Variants in GLCCI1 observed in about 807,000 individuals in gnomAD.
GLCCI1 encodes glucocorticoid-induced transcript 1 protein.
In GLCCI1, 24 loss-of-function variants were observed where a neutral mutation model predicts 52.2. That is an observed-to-expected ratio of 0.46 (90% CI 0.33 to 0.65). GLCCI1 has a LOEUF of 0.65. Ranked by LOEUF, GLCCI1 falls within the 30% of genes least tolerant of loss-of-function variation. The pLI is 0.02. For missense variants in GLCCI1, 704 were observed against 701.5 expected (o/e 1.00, Z -0.04); for synonymous variants, 310 against 276.5 (o/e 1.12, Z -1.20).
chr7:7,977,257 T>C (rs139897348), intron 1 of GLCCI1, among the ~76,000 whole-genome samples: 2,243 of 152,324 alleles, frequency 0.015, 49 homozygotes, highest in African/African-American at 0.051. Context: ...ATTGATAACA[T>C]ATACATAAAA....
intron 3 of GLCCI1, among the ~76,000 whole-genome samples, chr7:8,037,916 CAGAT>C (rs1476447616): frequency 6.6e-6 from 1 of 152,082 alleles, no homozygotes; most frequent in East Asian, 1.9e-4. Flanking sequence ...CTTAAGAAAA[CAGAT>C]AGTAATACAA....
chr7:8,043,492 G>A (rs1214916557), intron 3 of GLCCI1, among the ~76,000 whole-genome samples: 2 of 152,132 alleles, frequency 1.3e-5, no homozygotes, highest in Non-Finnish European at 2.9e-5. Context: ...CATGTTATAT[G>A]ATTATAGTTT....
intron 2 of GLCCI1, among the ~76,000 whole-genome samples, chr7:8,022,148 A>G (rs1781505955): frequency 6.6e-6 from 1 of 152,288 alleles, no homozygotes; most frequent in South Asian, 2.1e-4. Flanking sequence ...TGGAAATACC[A>G]TTTCATATTT....
At position 8,086,164 on chromosome 7, in the gene GLCCI1, A is replaced by G. The variant is rs1387994957; in HGVS notation, c.1299-29A>G. ...CTTAACTTTTTCTGTGTTCATGATT[A>G]TAAATCTAATTTTGTTTTATGGTTT... On this transcript the variant is annotated intron_variant, in intron 7 of 7. Transcript: ENST00000223145. This position sits in a 1 kb window ranked among gnomAD's most constrained non-coding sequence, Gnocchi z 4.4. 1 of 1,544,392 alleles carries G rather than the reference A, an allele frequency of 6.5e-7. No homozygotes were observed. The highest frequency in any genetic ancestry group is 8.8e-7 in the Non-Finnish European group (1 of 1,140,728).
chr7:8,068,227 A>G (rs1039334453), intron 5 of GLCCI1, among the ~76,000 whole-genome samples: 4 of 152,108 alleles, frequency 2.6e-5, no homozygotes, highest in Non-Finnish European at 4.4e-5. Context: ...GTGGGCACCT[A>G]TAATCCCAGC....
chr7:8,063,677 G>A (rs530455807), intron 5 of GLCCI1, among the ~76,000 whole-genome samples: 12 of 144,318 alleles, frequency 8.3e-5, no homozygotes, highest in African/African-American at 2.8e-4. Flanking sequence ...GGAGTATAGC[G>A]GCACAGTCAT....
intron 1 of GLCCI1, among the ~76,000 whole-genome samples, chr7:7,987,613 A>G (rs1389070891): frequency 6.6e-6 from 1 of 152,170 alleles, no homozygotes; most frequent in South Asian, 2.1e-4. Flanking sequence ...TGATTGACAG[A>G]GTCTCGCTCT....
At chr7:7,986,337 C>G (rs1244196343) in intron 1 of GLCCI1, among the ~76,000 whole-genome samples, 1 of 150,274 alleles carries the variant, frequency 6.7e-6, no homozygotes. Flanking sequence ...ACGGTGAAAC[C>G]CTGTCTCTAC....
intron 1 of GLCCI1, among the ~76,000 whole-genome samples, chr7:7,986,221 G>T (rs925135503): frequency 5.9e-5 from 9 of 152,126 alleles, no homozygotes; most frequent in Non-Finnish European, 1.0e-4. Context: ...TTGAAAAAGT[G>T]ACCTAGTGTG....
At chr7:7,993,504 GC>G (rs1780884349) in intron 1 of GLCCI1, among the ~76,000 whole-genome samples, 1 of 152,084 alleles carries the variant, frequency 6.6e-6, no homozygotes, top group Non-Finnish European at 1.5e-5. Flanking sequence ...ATGTCCTCTT[GC>G]TTTCACTTGC....
At chr7:8,011,022 G>A (rs13240739) in intron 2 of GLCCI1, among the ~76,000 whole-genome samples, 3,405 of 151,998 alleles carry the variant, frequency 0.022, 58 homozygotes, top group East Asian at 0.089. Context: ...AGGAGGCTGA[G>A]GCAAGAGAAT....
chr7:7,977,611 A>T (rs1160555084), intron 1 of GLCCI1, among the ~76,000 whole-genome samples: 1 of 152,200 alleles, frequency 6.6e-6, no homozygotes, highest in Non-Finnish European at 1.5e-5. Context: ...CTAACTCTGC[A>T]TCTTATCTTC....
chr7:7,974,912 T>G (rs1022599671), intron 1 of GLCCI1, among the ~76,000 whole-genome samples: 4 of 152,192 alleles, frequency 2.6e-5, no homozygotes, highest in Non-Finnish European at 5.9e-5. Context: ...ATTAAGTGTC[T>G]AAGAAGCTAA....
intron 1 of GLCCI1, among the ~76,000 whole-genome samples, chr7:7,988,813 C>A (rs1020814523): frequency 1.3e-5 from 2 of 152,160 alleles, no homozygotes; most frequent in East Asian, 3.8e-4. Context: ...ATCCTCTTTT[C>A]TCTCCCTCTT....
intron 2 of GLCCI1, among the ~76,000 whole-genome samples, chr7:8,005,913 C>T (rs1480262691): frequency 6.6e-6 from 1 of 152,098 alleles, no homozygotes; most frequent in African/African-American, 2.4e-5. Flanking sequence ...ATTCTCCTGC[C>T]TCAGCTTCCT....
chr7:7,976,428 GAGAT>G (rs772862117), intron 1 of GLCCI1, among the ~76,000 whole-genome samples: 47 of 121,126 alleles, frequency 3.9e-4, no homozygotes, highest in Admixed American at 9.9e-4. Flanking sequence ...GCAGTGAGCT[GAGAT>G]CATGCCATTG....
rs985499841 is a variant in GLCCI1, at chr7:7,969,331, C to T, written c.-20C>T. ...GCGCCTCCGTGTCGGCCGGCGGCGT[C>T]CAGGGCCCGCAGAGCCACCATGTCC... is the stretch of plus-strand genomic sequence containing the variant. On this transcript the variant is annotated 5_prime_UTR_variant, in exon 1 of 8. Coordinates refer to ENST00000223145, the MANE Select transcript of GLCCI1 (RefSeq NM_138426.4). This position sits in a 1 kb window ranked among gnomAD's most constrained non-coding sequence, Gnocchi z 4.9. 35 of 1,448,860 alleles carry T rather than the reference C, an allele frequency of 2.4e-5. No homozygotes were observed. Among genetic ancestry groups the T allele is most frequent in the Non-Finnish European group, 3.0e-5 (33 of 1,097,952 alleles). The allele number at this position is 1,448,860 out of a possible 1,614,324, so 89.8% of individuals were successfully genotyped here.
At chr7:8,043,616 G>T (rs903905156) in intron 3 of GLCCI1, among the ~76,000 whole-genome samples, 2 of 152,120 alleles carry the variant, frequency 1.3e-5, no homozygotes, top group East Asian at 3.9e-4. Flanking sequence ...AATTTGGGGG[G>T]TGATGAAAAA....
intron 3 of GLCCI1, among the ~76,000 whole-genome samples, chr7:8,030,742 C>G (rs1199744249): frequency 3.3e-5 from 5 of 152,046 alleles, no homozygotes; most frequent in African/African-American, 1.2e-4. Context: ...TTAGACATTT[C>G]TCAAAAGAAG....
Sources: gnomAD v4.1 joint callset for allele counts (sites outside exome capture counted in the v4.1 genomes callset) on GRCh38, gnomAD v4.1.1 for gene constraint, Gnocchi (gnomAD v3.1) non-coding constraint, MANE v1.5 for transcripts, NCBI Gene and HGNC (gene_info 2026-07-23, HGNC 2026-07-21) for gene names.